CATSPERE: variants seen among roughly 807,000 people sequenced by gnomAD.
CATSPERE encodes the protein catsper channel auxiliary subunit epsilon, also known as cation channel sperm-associated auxiliary subunit epsilon.
A neutral mutation model predicts 114.1 loss-of-function variants in CATSPERE; 93 were observed. The observed-to-expected ratio is 0.81, with a 90% CI of 0.69 to 0.97. The LOEUF (loss-of-function observed/expected upper bound fraction) is 0.97, where lower values mean the gene tolerates loss of function less well. Among genes scored for constraint, CATSPERE ranks in the 50% least tolerant of loss-of-function variants. CATSPERE has a pLI of 0.00. For missense variants in CATSPERE, 1,058 were observed against 1,131.6 expected, an observed-to-expected ratio of 0.93 and a Z score of 0.93; for synonymous variants, 341 against 384.1, an observed-to-expected ratio of 0.89 and a Z score of 1.31.
rs765165415 is a variant in CATSPERE at position 244,633,498 on chromosome 1, T to C, written c.2649-1991T>C. Among the ~76,000 whole-genome samples the C allele has an allele frequency of 6.6e-6, 1 of 152,116 alleles. No individual in the cohort carries two copies. Among genetic ancestry groups the C allele is most frequent in the Non-Finnish European group, 1.5e-5 (1 of 68,020 alleles). On this transcript the variant is annotated intron_variant, in intron 20 of 21. Coordinates refer to ENST00000366534, the MANE Select transcript of CATSPERE (RefSeq NM_001130957.2). This position sits in a 1 kb window ranked among gnomAD's most constrained non-coding sequence, Gnocchi z 4.1. Reference sequence around the variant, plus strand: ...TACATCTAATCTATTCCAAATCACTTTACAAACTGCTATTGAATTAAATTC... The same window carrying C: ...TACATCTAATCTATTCCAAATCACTCTACAAACTGCTATTGAATTAAATTC...
intron 21 of CATSPERE, among the ~76,000 whole-genome samples, chr1:244,637,998 A>G (rs115616969): frequency 1.1e-3 from 174 of 152,318 alleles, no homozygotes; most frequent in African/African-American, 4.0e-3. Context: ...TCTTCCACCT[A>G]TGCTTTGCAC....
chr1:244,528,785 C>CACA (rs1553342508), intron 8 of CATSPERE, among the ~76,000 whole-genome samples: 1 of 130,534 alleles, frequency 7.7e-6, no homozygotes, highest in African/African-American at 3.0e-5. Context: ...CAATCCCCCA[C>CACA]CACACACACA....
At chr1:244,482,586 AGT>A (rs143260703) in intron 5 of CATSPERE, among the ~76,000 whole-genome samples, 70 of 152,264 alleles carry the variant, frequency 4.6e-4, no homozygotes, top group African/African-American at 1.7e-3. Context: ...TCCATGACAG[AGT>A]GAGACCCCAT....
At chr1:244,553,600 A>AC (rs775040459) in intron 9 of CATSPERE, among the ~76,000 whole-genome samples, 8 of 32,574 alleles carry the variant, frequency 2.5e-4, no homozygotes, top group African/African-American at 5.6e-4. Flanking sequence ...AAAAAAAAAA[A>AC]ATACACACAC....
At chr1:244,624,210 A>T (rs1259627192) in intron 20 of CATSPERE, among the ~76,000 whole-genome samples, 1 of 146,810 alleles carries the variant, frequency 6.8e-6, no homozygotes, top group African/African-American at 2.5e-5. Context: ...TGACCTCGTG[A>T]TCCGCCCACC....
intron 11 of CATSPERE, among the ~76,000 whole-genome samples, chr1:244,576,927 A>G (rs1434366655): frequency 6.6e-6 from 1 of 152,210 alleles, no homozygotes; most frequent in Non-Finnish European, 1.5e-5. Context: ...ACTTTAACTT[A>G]AATAAATGAA....
intron 2 of CATSPERE, among the ~76,000 whole-genome samples, chr1:244,475,433 T>C (rs1441326100): frequency 6.6e-6 from 1 of 151,638 alleles, no homozygotes; most frequent in Non-Finnish European, 1.5e-5. Flanking sequence ...AGGGTTTCAC[T>C]ATGTTGGCCA....
At chr1:244,608,105 T>TA (rs1486121992) in intron 18 of CATSPERE, among the ~76,000 whole-genome samples, 5 of 152,106 alleles carry the variant, frequency 3.3e-5, no homozygotes, top group African/African-American at 7.2e-5. Flanking sequence ...AGACTCCGTC[T>TA]AAAAAAATAA....
intron 18 of CATSPERE, among the ~76,000 whole-genome samples, chr1:244,608,297 T>C (rs910254545): frequency 6.6e-6 from 1 of 151,800 alleles, no homozygotes; most frequent in Non-Finnish European, 1.5e-5. Flanking sequence ...CTTTGGGAGG[T>C]TGAAGCGGGA....
rs1486414074 is a variant in CATSPERE, at chr1:244,504,666, A to G, written c.429+5587A>G. Among the ~76,000 whole-genome samples, 1 of 152,208 alleles carries G rather than the reference A, an allele frequency of 6.6e-6. No homozygotes were observed. The highest frequency in any genetic ancestry group is 2.4e-5 in the African/African-American group (1 of 41,460). On this transcript the variant is annotated intron_variant, in intron 7 of 21. Transcript: ENST00000366534. The surrounding 1 kb of genome is among the most constrained non-coding windows in gnomAD (Gnocchi z 4.1). Reference sequence around the variant, plus strand: ...GTAAAATGTCAGTCCATTGGGATTCATCTGAGATTTTTCTCATAATCAGAT... The same window carrying G: ...GTAAAATGTCAGTCCATTGGGATTCGTCTGAGATTTTTCTCATAATCAGAT...
chr1:244,548,208 C>T (rs1660065110), intron 8 of CATSPERE, among the ~76,000 whole-genome samples: 1 of 152,240 alleles, frequency 6.6e-6, no homozygotes, highest in Admixed American at 6.5e-5. Context: ...TCTGTGGATT[C>T]CAGTCAGCCT....
At chr1:244,549,674 A>T (rs547979740) in intron 8 of CATSPERE, among the ~76,000 whole-genome samples, 1 of 152,298 alleles carries the variant, frequency 6.6e-6, no homozygotes, top group East Asian at 1.9e-4. Flanking sequence ...TGTTAGGTAC[A>T]ATTATGACCT....
intron 11 of CATSPERE, among the ~76,000 whole-genome samples, chr1:244,581,561 A>G (rs1374270102): frequency 6.6e-6 from 1 of 152,204 alleles, no homozygotes; most frequent in East Asian, 1.9e-4. Context: ...CTCTATATCT[A>G]TACCCACTAT....
At chr1:244,453,122 C>A (rs1055558805), upstream of CATSPERE, among the ~76,000 whole-genome samples, 2 of 152,292 alleles carry the variant, frequency 1.3e-5, no homozygotes, top group Admixed American at 1.3e-4. Context: ...AATAAAGATA[C>A]AATTCAGCCC....
At position 244,525,760 on chromosome 1, in the gene CATSPERE, GAAGA is replaced by G. The variant is rs1410412173; in HGVS notation, c.536+7069_536+7072del. Among the ~76,000 whole-genome samples the G allele has an allele frequency of 2.6e-5, 4 of 152,288 alleles. No individual in the cohort carries two copies. In the East Asian group the frequency reaches 5.8e-4, roughly 22 times the overall value. On this transcript the variant is annotated intron_variant, in intron 8 of 21. Coordinates refer to ENST00000366534, the MANE Select transcript of CATSPERE (RefSeq NM_001130957.2). Reference sequence around the variant, plus strand: ...ATTGTTTGCAATTGCAAAAAAAGAAGAAGAAAGAAACTTTAATTTCCACTCATGG... The same window carrying G: ...ATTGTTTGCAATTGCAAAAAAAGAAGAAGAAACTTTAATTTCCACTCATGG...
chr1:244,621,313 A>AT lies in CATSPERE; in HGVS notation c.2648+3627_2648+3628insT, dbSNP rs1329667347. Among the ~76,000 whole-genome samples the AT allele has an allele frequency of 1.1e-4, 9 of 78,906 alleles. 1 individual carries two copies. Among genetic ancestry groups the AT allele is most frequent in the African/African-American group, 1.7e-4 (3 of 17,710 alleles). 51.8% of individuals were successfully genotyped at this position (78,906 alleles called of 152,430 possible). The stretch of plus-strand genomic sequence containing the variant: ...TATCTATATAAATATATAAATATAT[A>AT]AAATATATATATATATATATATATA... On this transcript the variant is annotated intron_variant, in intron 20 of 21. Coordinates refer to ENST00000366534, the MANE Select transcript of CATSPERE (RefSeq NM_001130957.2).
At chr1:244,451,689 T>C (rs758598722), upstream of CATSPERE, 1 of 1,612,374 alleles carries the variant, frequency 6.2e-7, no homozygotes. The surrounding 1 kb of genome is among the most constrained non-coding windows in gnomAD (Gnocchi z 6.6). Flanking sequence ...CCACCTTCCC[T>C]TTGCCTTCGT....
At chr1:244,459,242 C>A (rs1225957575), upstream of CATSPERE, among the ~76,000 whole-genome samples, 1 of 152,084 alleles carries the variant, frequency 6.6e-6, no homozygotes, top group Non-Finnish European at 1.5e-5. Context: ...CCATGCCCAG[C>A]TAATTTTTGT....
chr1:244,568,694 C>G lies in CATSPERE; in HGVS notation c.1508-3636C>G, dbSNP rs947334109. The stretch of plus-strand genomic sequence containing the variant: ...CAGTAATGGCAGACGCTCCTACCCC[C>G]ACCAAGTTCGGGTGTCCCAGGTCAC... On this transcript the variant is annotated intron_variant, in intron 10 of 21. Transcript: ENST00000366534. The surrounding 1 kb of genome is among the most constrained non-coding windows in gnomAD (Gnocchi z 4.4). 6.6e-6 allele frequency among the ~76,000 whole-genome samples: 1 copy of G among 152,132 alleles called. No individual in the cohort carries two copies. Among genetic ancestry groups the G allele is most frequent in the Admixed American group, 6.5e-5 (1 of 15,282 alleles).
Sources: allele counts gnomAD v4.1 joint callset (sites outside exome capture counted in the v4.1 genomes callset), GRCh38; gene constraint gnomAD v4.1.1; non-coding constraint Gnocchi (gnomAD v3.1); transcripts MANE v1.5; gene names NCBI Gene and HGNC (gene_info 2026-07-23, HGNC 2026-07-21).